Variants in RBPMS observed in about 807,000 individuals in gnomAD.
RBPMS encodes the protein RNA binding protein, mRNA processing factor.
RBPMS carries 7 observed loss-of-function variants against 26.8 expected under a neutral mutation model. That is an observed-to-expected ratio of 0.26 (90% CI 0.15 to 0.49). The LOEUF (loss-of-function observed/expected upper bound fraction) is 0.49. Ranked by LOEUF, RBPMS falls within the 20% of genes least tolerant of loss-of-function variation. RBPMS has a pLI of 0.98. For synonymous variants in RBPMS, 96 were observed against 93.3 expected, an observed-to-expected ratio of 1.03 and a Z score of -0.17; for missense variants, 186 against 250.0, an observed-to-expected ratio of 0.74 and a Z score of 1.73.
chr8:30,410,820 C>G (rs1298048342), intron 1 of RBPMS, among the ~76,000 whole-genome samples: 3 of 150,716 alleles, frequency 2.0e-5, no homozygotes, highest in South Asian at 2.1e-4. Context: ...ACTGCAGCCT[C>G]TAAGTCCCAA....
intron 1 of RBPMS, among the ~76,000 whole-genome samples, chr8:30,471,172 C>A (rs952374354): frequency 1.3e-5 from 2 of 152,116 alleles, no homozygotes; most frequent in Non-Finnish European, 2.9e-5. Context: ...AGTACACATA[C>A]TATAAGATAA....
chr8:30,490,375 C>A (rs1231337727), intron 4 of RBPMS, among the ~76,000 whole-genome samples: 1 of 152,186 alleles, frequency 6.6e-6, no homozygotes, highest in Non-Finnish European at 1.5e-5. Flanking sequence ...AATTGAATCT[C>A]TGTTTCGAAG....
rs1821598159 is a variant in RBPMS at position 30,511,475 on chromosome 8, AAAAAAAAAAAAAT to A, written c.397+7041_397+7053del. Among the ~76,000 whole-genome samples the A allele has an allele frequency of 1.2e-3, 7 of 6,058 alleles. 1 individual carries two copies. The highest frequency in any genetic ancestry group is 4.0e-3 in the African/African-American group (7 of 1,740). 4.0% of individuals were successfully genotyped at this position (6,058 alleles called of 152,430 possible). A position where few individuals can be genotyped will look rare whatever the true frequency, so the allele number is the denominator to read the frequency against. On this transcript the variant is annotated intron_variant, in intron 5 of 8. Coordinates refer to ENST00000397323, the MANE Select transcript of RBPMS (RefSeq NM_001008710.3). ...CATCTCTTTAAAACAAAAAAAGAAA[AAAAAAAAAAAAAT>A]ATATATATATATATATATATATATA...
chr8:30,492,907 T>G (rs538361820), intron 4 of RBPMS, among the ~76,000 whole-genome samples: 1 of 152,310 alleles, frequency 6.6e-6, no homozygotes, highest in East Asian at 1.9e-4. Context: ...TGATCTGAGC[T>G]TTACAGAGAT....
chr8:30,504,852 A>T (rs1017849510), intron 5 of RBPMS, among the ~76,000 whole-genome samples: 2 of 152,180 alleles, frequency 1.3e-5, no homozygotes, highest in Non-Finnish European at 2.9e-5. Context: ...TAAAAGAGAA[A>T]GAAGCAGATC....
intron 6 of RBPMS, among the ~76,000 whole-genome samples, chr8:30,549,340 G>A (rs1052778265): frequency 3.9e-5 from 6 of 152,230 alleles, no homozygotes; most frequent in African/African-American, 1.4e-4. Flanking sequence ...GGTATATACT[G>A]TCTGCTCCAG....
chr8:30,475,190 C>G (rs1161838742), intron 2 of RBPMS, among the ~76,000 whole-genome samples: 2 of 152,018 alleles, frequency 1.3e-5, no homozygotes, highest in African/African-American at 4.8e-5. Flanking sequence ...TTTTCCATGG[C>G]AAAACTTTCA....
chr8:30,461,170 C>T (rs1036636213), intron 1 of RBPMS, among the ~76,000 whole-genome samples: 15 of 152,214 alleles, frequency 9.9e-5, no homozygotes, highest in African/African-American at 1.4e-4. Flanking sequence ...TGATACCAAT[C>T]TCTTCATTGA....
At chr8:30,416,273 T>C (rs1385208415) in intron 1 of RBPMS, among the ~76,000 whole-genome samples, 1 of 152,184 alleles carries the variant, frequency 6.6e-6, no homozygotes, top group Non-Finnish European at 1.5e-5. Context: ...TAACAGACTC[T>C]TTGGCCCCTT....
At chr8:30,394,110 C>G (rs2979487) in intron 1 of RBPMS, among the ~76,000 whole-genome samples, 3,487 of 6,366 alleles carry the variant, frequency 0.55, 1,106 homozygotes, top group East Asian at 0.83. Context: ...GAATGCTTAG[C>G]CAGTTCCATT....
chr8:30,417,705 T>C (rs1563299092), intron 1 of RBPMS, among the ~76,000 whole-genome samples: 1 of 151,694 alleles, frequency 6.6e-6, no homozygotes, highest in Admixed American at 6.6e-5. Flanking sequence ...TCTTTTTTGC[T>C]CCCTCTTTTA....
intron 1 of RBPMS, among the ~76,000 whole-genome samples, chr8:30,426,845 AAC>A (rs1811413978): frequency 6.6e-6 from 1 of 150,544 alleles, no homozygotes; most frequent in Non-Finnish European, 1.5e-5. Context: ...CTCCCCAGAA[AAC>A]ACACACAGAC....
At chr8:30,451,975 T>C (rs1444025482) in intron 1 of RBPMS, among the ~76,000 whole-genome samples, 1 of 152,160 alleles carries the variant, frequency 6.6e-6, no homozygotes, top group Non-Finnish European at 1.5e-5. Context: ...CATCCATAGA[T>C]GGCACCTTTT....
chr8:30,561,603 A>T (rs1392514823), intron 7 of RBPMS, among the ~76,000 whole-genome samples: 1 of 152,234 alleles, frequency 6.6e-6, no homozygotes, highest in Non-Finnish European at 1.5e-5. Flanking sequence ...GCCCCTTGCC[A>T]AGCACATCTG....
At chr8:30,425,668 A>G (rs1232094385) in intron 1 of RBPMS, among the ~76,000 whole-genome samples, 3 of 151,920 alleles carry the variant, frequency 2.0e-5, no homozygotes, top group Non-Finnish European at 4.4e-5. Context: ...CCAGAGTGCT[A>G]GGATTATGGG....
intron 4 of RBPMS, among the ~76,000 whole-genome samples, chr8:30,497,048 C>T (rs982452920): frequency 3.3e-5 from 5 of 152,204 alleles, no homozygotes; most frequent in Non-Finnish European, 5.9e-5. Context: ...AGCTCAGAAT[C>T]TCTCTAAAGT....
chr8:30,410,761 G>C (rs534211458), intron 1 of RBPMS, among the ~76,000 whole-genome samples: 3 of 138,686 alleles, frequency 2.2e-5, no homozygotes, highest in East Asian at 4.2e-4. Context: ...TTAGAGACAA[G>C]ATCTCACTGT....
At chr8:30,544,697 C>T (rs1482649598) in intron 6 of RBPMS, 73 bp downstream of exon 6, 4 of 1,605,874 alleles carry the variant, frequency 2.5e-6, no homozygotes, top group Non-Finnish European at 1.7e-6. Flanking sequence ...CCCGAGAGCA[C>T]ACCATACAAC....
chr8:30,413,994 A>C (rs1481651169), intron 1 of RBPMS, among the ~76,000 whole-genome samples: 11 of 152,126 alleles, frequency 7.2e-5, no homozygotes, highest in Admixed American at 6.5e-5. Context: ...CGCCCACCTC[A>C]GCCTCCCAAA....
Sources: gnomAD v4.1 joint callset for allele counts (sites outside exome capture counted in the v4.1 genomes callset) on GRCh38, gnomAD v4.1.1 for gene constraint, MANE v1.5 for transcripts, NCBI Gene and HGNC (gene_info 2026-07-23, HGNC 2026-07-21) for gene names.